Variants in PTPRD observed in about 807,000 individuals in gnomAD.
The protein encoded by PTPRD is receptor-type tyrosine-protein phosphatase delta.
PTPRD carries 34 observed loss-of-function variants against 214.5 expected under a neutral mutation model. The observed-to-expected ratio is 0.16, with a 90% CI of 0.12 to 0.21. The LOEUF is 0.21. PTPRD is among the 10% of genes least tolerant of loss of function. The probability of loss-of-function intolerance (pLI) is 1.00; values close to 1 mark genes in which losing one functional copy is unlikely to be tolerated. For missense variants in PTPRD, 2,545 were observed against 2,398.7 expected, an observed-to-expected ratio of 1.06 and a Z score of -1.27; for synonymous variants, 1,128 against 845.7, an observed-to-expected ratio of 1.33 and a Z score of -5.79.
At chr9:8,603,264 G>T (rs1474312927) in intron 14 of PTPRD, among the ~76,000 whole-genome samples, 1 of 152,058 alleles carries the variant, frequency 6.6e-6, no homozygotes, top group African/African-American at 2.4e-5. Context: ...GAACTACAAG[G>T]CAATTATTAG....
At chr9:9,122,055 G>T (rs113926606) in intron 10 of PTPRD, among the ~76,000 whole-genome samples, 1,821 of 152,136 alleles carry the variant, frequency 0.012, 47 homozygotes, top group African/African-American at 0.041. Flanking sequence ...CCCATAAAAG[G>T]TACTAGCCAT....
At position 8,377,982 on chromosome 9, in the gene PTPRD, T is replaced by C. The variant is rs10977016; in HGVS notation, c.4387-1256A>G. On this transcript the variant is annotated intron_variant, in intron 37 of 45. Transcript: ENST00000381196. ...GGGAGAAGTTTTATCCTGTACAGAA[T>C]TTCCCAGACAAGACAAAAAAGAAAA... Among the ~76,000 whole-genome samples, 423 of 152,208 alleles carry C rather than the reference T, an allele frequency of 2.8e-3. 5 individuals carry two copies. The East Asian group carries it at 0.045, about 16-fold the overall frequency.
chr9:9,444,242 C>CT (rs1271442797), intron 8 of PTPRD, among the ~76,000 whole-genome samples: 1 of 152,044 alleles, frequency 6.6e-6, no homozygotes, highest in Non-Finnish European at 1.5e-5. Flanking sequence ...ATATGCTTTA[C>CT]TTTTTTGACT....
rs145691765 is a variant in PTPRD, at chr9:8,669,744, G to C, written c.65-32900C>G. Among the ~76,000 whole-genome samples, 698 of 152,296 alleles carry C rather than the reference G, an allele frequency of 4.6e-3. 4 individuals are homozygous for C. Among genetic ancestry groups the C allele is most frequent in the African/African-American group, 0.016 (657 of 41,562 alleles). ...GTGATAATCCAGGAAAAGTAGGCTG[G>C]AGTCACAAGGTGGGTCACCTGGAAT... On this transcript the variant is annotated intron_variant, in intron 12 of 45. Coordinates refer to ENST00000381196, the MANE Select transcript of PTPRD (RefSeq NM_002839.4).
intron 2 of PTPRD, among the ~76,000 whole-genome samples, chr9:10,556,567 A>C (rs2062654674): frequency 6.6e-6 from 1 of 152,138 alleles, no homozygotes; most frequent in Admixed American, 6.6e-5. Flanking sequence ...AAAGTCCTTA[A>C]TAATTGTTAC....
intron 9 of PTPRD, among the ~76,000 whole-genome samples, chr9:9,206,331 G>C (rs1270218824): frequency 6.6e-6 from 1 of 152,154 alleles, no homozygotes; most frequent in Admixed American, 6.5e-5. Flanking sequence ...GTGCGTAAAG[G>C]CATGACATGA....
Position 10,612,966 on chromosome 9 carries a change from C to A in PTPRD, c.-986G>T, listed in dbSNP as rs2081375183. On this transcript the variant is annotated 5_prime_UTR_variant, in exon 1 of 46. Coordinates refer to ENST00000381196, the MANE Select transcript of PTPRD (RefSeq NM_002839.4). ...GCGGCCGCTCCCGCACTCGCTCGCT[C>A]GCTCGCTGGCGCTCCCTCCTCGTCT... Among the ~76,000 whole-genome samples the A allele has an allele frequency of 6.6e-6, 1 of 151,260 alleles. No homozygotes were observed. The highest frequency in any genetic ancestry group is 2.1e-4 in the South Asian group (1 of 4,822).
chr9:9,912,212 A>T (rs929388785), intron 5 of PTPRD, among the ~76,000 whole-genome samples: 46 of 152,144 alleles, frequency 3.0e-4, no homozygotes, highest in Non-Finnish European at 4.9e-4. Context: ...TTAAAATCAA[A>T]ATAAAAGATA....
At chr9:10,461,621 CTTTTT>C (rs745654705) in intron 2 of PTPRD, among the ~76,000 whole-genome samples, 2 of 133,064 alleles carry the variant, frequency 1.5e-5, no homozygotes, top group African/African-American at 5.5e-5. Context: ...GCATGACATT[CTTTTT>C]TTTTTTTTTT....
chr9:9,454,848 T>TAC (rs2092761552), intron 8 of PTPRD, among the ~76,000 whole-genome samples: 1 of 151,254 alleles, frequency 6.6e-6, no homozygotes, highest in South Asian at 2.1e-4. Context: ...CATATATATA[T>TAC]ACACATATAT....
chr9:10,409,230 T>C (rs931813535), intron 2 of PTPRD, among the ~76,000 whole-genome samples: 1 of 151,834 alleles, frequency 6.6e-6, no homozygotes, highest in Non-Finnish European at 1.5e-5. Flanking sequence ...GTTAAAAATA[T>C]AGAAATATCT....
At chr9:9,577,581 A>T (rs2089315058) in intron 7 of PTPRD, among the ~76,000 whole-genome samples, 1 of 152,152 alleles carries the variant, frequency 6.6e-6, no homozygotes, top group African/African-American at 2.4e-5. Flanking sequence ...AATAAATAAA[A>T]ATAAATAAAA....
chr9:10,236,823 T>C (rs1466874227), intron 3 of PTPRD, among the ~76,000 whole-genome samples: 44 of 151,934 alleles, frequency 2.9e-4, no homozygotes, highest in Non-Finnish European at 6.5e-4. Context: ...ATCCAGTAAC[T>C]ATGTACAATA....
chr9:9,944,794 T>G (rs1566590923), intron 4 of PTPRD, among the ~76,000 whole-genome samples: 2 of 152,034 alleles, frequency 1.3e-5, no homozygotes, highest in Non-Finnish European at 2.9e-5. Context: ...GTAAGTTATT[T>G]TAAAAACTGG....
chr9:8,714,208 C>A (rs1170581904), intron 12 of PTPRD, among the ~76,000 whole-genome samples: 1 of 152,182 alleles, frequency 6.6e-6, no homozygotes, highest in Non-Finnish European at 1.5e-5. Flanking sequence ...GTTATCAGTG[C>A]CATCAAGAGC....
At chr9:8,566,693 T>A (rs940231803) in intron 14 of PTPRD, among the ~76,000 whole-genome samples, 19 of 152,234 alleles carry the variant, frequency 1.2e-4, no homozygotes, top group African/African-American at 4.3e-4. Context: ...TAGACACTCA[T>A]GATTATTTGC....
At chr9:9,863,847 A>C (rs2063332389) in intron 5 of PTPRD, among the ~76,000 whole-genome samples, 1 of 152,114 alleles carries the variant, frequency 6.6e-6, no homozygotes, top group Admixed American at 6.5e-5. Context: ...AAAAAAAAAA[A>C]AAAGCAGTAC....
At chr9:9,250,675 C>G (rs1487157492) in intron 9 of PTPRD, among the ~76,000 whole-genome samples, 1 of 152,004 alleles carries the variant, frequency 6.6e-6, no homozygotes, top group African/African-American at 2.4e-5. Flanking sequence ...TTTAGATTGG[C>G]TCAGGGGCCT....
At chr9:8,493,025 A>T in intron 26 of PTPRD, 46 bp from the exon 27 acceptor site, 1 of 1,492,088 alleles carries the variant, frequency 6.7e-7, no homozygotes, top group South Asian at 1.1e-5. Flanking sequence ...CATGCTACTA[A>T]TGCTCTGGGG....
Sources: allele counts gnomAD v4.1 joint callset (sites outside exome capture counted in the v4.1 genomes callset), GRCh38; gene constraint gnomAD v4.1.1; transcripts MANE v1.5; gene names NCBI Gene and HGNC (gene_info 2026-07-23, HGNC 2026-07-21).